Variants in MYO1H observed in about 807,000 individuals in gnomAD.
MYO1H encodes the protein unconventional myosin-Ih.
In MYO1H, 118 loss-of-function variants were observed where a neutral mutation model predicts 149.3. The observed-to-expected ratio is 0.79, with a 90% CI of 0.68 to 0.92. The LOEUF (loss-of-function observed/expected upper bound fraction) is 0.92, where lower values mean the gene tolerates loss of function less well. Ranked by LOEUF, MYO1H falls within the 40% of genes least tolerant of loss-of-function variation. The pLI is 0.00. For missense variants in MYO1H, 1,212 were observed against 1,280.7 expected, an observed-to-expected ratio of 0.95 and a Z score of 0.82; for synonymous variants, 447 against 465.2, an observed-to-expected ratio of 0.96 and a Z score of 0.50.
At chr12:109,435,984 G>A (rs1170442537) in intron 21 of MYO1H, among the ~76,000 whole-genome samples, 4 of 152,196 alleles carry the variant, frequency 2.6e-5, no homozygotes, top group Non-Finnish European at 4.4e-5. Context: ...GGCTCTTGAT[G>A]AGCTTGGCCT....
intron 1 of MYO1H, among the ~76,000 whole-genome samples, chr12:109,350,690 T>C (rs777087965): frequency 6.6e-6 from 1 of 152,246 alleles, no homozygotes; most frequent in African/African-American, 2.4e-5. Context: ...TCAATATTTA[T>C]AGAAGGTGGC....
chr12:109,368,431 G>A (rs537751961), intron 1 of MYO1H, among the ~76,000 whole-genome samples: 15 of 152,232 alleles, frequency 9.9e-5, no homozygotes, highest in African/African-American at 2.9e-4. Context: ...CGAGGCAGGC[G>A]GATCACCTGA....
the MYO1H span, among the ~76,000 whole-genome samples, chr12:109,313,430 T>G: frequency 6.6e-6 from 1 of 152,236 alleles, no homozygotes; most frequent in Non-Finnish European, 1.5e-5. Context: ...AGATTATTTT[T>G]TTCCCCTTTA....
intron 2 of MYO1H, among the ~76,000 whole-genome samples, 174 bp from the exon 3 acceptor site, chr12:109,393,157 T>C (rs1199400727): frequency 6.6e-6 from 1 of 152,150 alleles, no homozygotes; most frequent in Non-Finnish European, 1.5e-5. Flanking sequence ...TCTTCATTCC[T>C]CAGCTGTTTG....
intron 1 of MYO1H, among the ~76,000 whole-genome samples, chr12:109,350,498 C>T (rs1221916363): frequency 6.6e-6 from 1 of 152,192 alleles, no homozygotes. Context: ...TGAGGCATGG[C>T]TTTCACCTTC....
At chr12:109,438,948 C>G (rs1009169804) in intron 23 of MYO1H, among the ~76,000 whole-genome samples, 2 of 152,234 alleles carry the variant, frequency 1.3e-5, no homozygotes, top group African/African-American at 4.8e-5. Context: ...AACTGGAACG[C>G]TCAGTCTACC....
chr12:109,434,694 A>AG (rs1202628409), intron 20 of MYO1H, among the ~76,000 whole-genome samples: 1 of 152,196 alleles, frequency 6.6e-6, no homozygotes, highest in African/African-American at 2.4e-5. Context: ...AAAAATCAAG[A>AG]GTTGGCAGGG....
At chr12:109,374,877 C>T (rs7967016) in intron 1 of MYO1H, among the ~76,000 whole-genome samples, 8,775 of 149,914 alleles carry the variant, frequency 0.059, 835 homozygotes, top group African/African-American at 0.2. Context: ...TTTTTCGAGA[C>T]GAAGTCTGGC....
At chr12:109,433,242 AT>A (rs1871716086) in intron 20 of MYO1H, among the ~76,000 whole-genome samples, 1 of 152,198 alleles carries the variant, frequency 6.6e-6, no homozygotes, top group Non-Finnish European at 1.5e-5. Context: ...CACTAAACTG[AT>A]TTAGCAGATG....
chr12:109,312,790 GTT>G, the MYO1H span, among the ~76,000 whole-genome samples: 50,988 of 145,398 alleles, frequency 0.35, 10,538 homozygotes, highest in African/African-American at 0.61. Flanking sequence ...GTTTTGTTTT[GTT>G]TTTTTTTTTT....
At chr12:109,385,830 A>G (rs1869294307) in intron 1 of MYO1H, among the ~76,000 whole-genome samples, 1 of 152,142 alleles carries the variant, frequency 6.6e-6, no homozygotes, top group East Asian at 1.9e-4. Flanking sequence ...CATTCCGTTT[A>G]TATTCATACC....
chr12:109,425,898 C>A, intron 17 of MYO1H, 48 bp from the exon 18 acceptor site: 1 of 1,324,448 alleles, frequency 7.6e-7, no homozygotes, highest in Non-Finnish European at 1.1e-6. Context: ...TTGGAAGCAG[C>A]AGTATCTCTC....
chr12:109,359,099 A>C (rs1868679966), intron 1 of MYO1H, among the ~76,000 whole-genome samples: 1 of 152,120 alleles, frequency 6.6e-6, no homozygotes, highest in Non-Finnish European at 1.5e-5. Context: ...GGAGGGCAGG[A>C]GGTGGCCGGG....
intron 2 of MYO1H, among the ~76,000 whole-genome samples, chr12:109,390,581 T>C (rs12821085): frequency 0.25 from 37,374 of 151,942 alleles, 5,470 homozygotes; most frequent in East Asian, 0.39. Flanking sequence ...TGTTGAAATC[T>C]AGGAATATAA....
intron 15 of MYO1H, among the ~76,000 whole-genome samples, chr12:109,417,967 C>T (rs1871001334): frequency 6.6e-6 from 1 of 151,832 alleles, no homozygotes; most frequent in African/African-American, 2.4e-5. Context: ...AGGCGCCCGC[C>T]ACCACGCCCG....
chr12:109,388,692 G>T (rs532779519), exon 2 of MYO1H: 13 of 1,572,204 alleles, frequency 8.3e-6, no homozygotes, highest in Non-Finnish European at 1.0e-5. Flanking sequence ...GAAAGAAGAC[G>T]TGAGGAGGAA....
intron 26 of MYO1H, 38 bp downstream of exon 26, chr12:109,441,746 A>C (rs1199236476): frequency 6.7e-7 from 1 of 1,485,968 alleles, no homozygotes; most frequent in East Asian, 2.3e-5. Context: ...TGGCTTTCCA[A>C]TTCTAAAAGG....
At chr12:109,441,744 C>G (rs1483007523) in intron 26 of MYO1H, 36 bp downstream of exon 26, 1 of 1,497,804 alleles carries the variant, frequency 6.7e-7, no homozygotes, top group Non-Finnish European at 9.2e-7. Context: ...CTTGGCTTTC[C>G]AATTCTAAAA....
chr12:109,405,089 T>G (rs1187966479), intron 7 of MYO1H, among the ~76,000 whole-genome samples: 2 of 151,966 alleles, frequency 1.3e-5, no homozygotes, highest in Non-Finnish European at 2.9e-5. Flanking sequence ...GGTGCATGCC[T>G]GTAGTCCCAG....
Sources: allele counts gnomAD v4.1 joint callset (sites outside exome capture counted in the v4.1 genomes callset), GRCh38; gene constraint gnomAD v4.1.1; transcripts MANE v1.5; gene names NCBI Gene and HGNC (gene_info 2026-07-23, HGNC 2026-07-21).